Variants in SRD5A3 observed in about 807,000 individuals in gnomAD.
SRD5A3 encodes steroid 5 alpha-reductase 3, also known as polyprenal reductase.
Under a neutral mutation model 34.3 loss-of-function variants are expected in SRD5A3, and 24 were observed. That is an observed-to-expected ratio of 0.70 (90% CI 0.51 to 0.99). SRD5A3 has a LOEUF of 0.99. SRD5A3 is among the 50% of genes least tolerant of loss of function. The pLI, the probability that SRD5A3 is intolerant of heterozygous loss-of-function variation, is 0.00. For synonymous variants in SRD5A3, 161 were observed against 167.3 expected, an observed-to-expected ratio of 0.96 and a Z score of 0.29; for missense variants, 350 against 388.2, an observed-to-expected ratio of 0.90 and a Z score of 0.83.
At chr4:55,355,351 G>C (rs1037262626) in intron 1 of SRD5A3, among the ~76,000 whole-genome samples, 26 of 151,972 alleles carry the variant, frequency 1.7e-4, no homozygotes, top group Non-Finnish European at 3.1e-4. Flanking sequence ...CCAGCTACTC[G>C]GGGGGCTGAG....
chr4:55,352,086 G>A, intron 1 of SRD5A3: 1 of 776,752 alleles, frequency 1.3e-6, no homozygotes, highest in Non-Finnish European at 2.4e-6. Context: ...TCAATTTCAG[G>A]CATTACACAA....
rs1456982285 is a variant in SRD5A3 at position 55,372,896 on chromosome 4, G to A, written c.*2805G>A. 2 of 149,546 alleles carry A rather than the reference G, an allele frequency of 1.3e-5. No individual in the cohort carries two copies. The highest frequency in any genetic ancestry group is 2.5e-5 in the African/African-American group (1 of 40,474). 9.3% of individuals were successfully genotyped at this position (149,546 alleles called of 1,614,324 possible). A position where few individuals can be genotyped will look rare whatever the true frequency, so the allele number is the denominator to read the frequency against. Reference sequence around the variant, plus strand: ...CTCTACAAAGCTGTGCCCTGTATTCGATTTTTACTTCAATGAGTGGTTATT... The same window carrying A: ...CTCTACAAAGCTGTGCCCTGTATTCAATTTTTACTTCAATGAGTGGTTATT... On this transcript the variant is annotated 3_prime_UTR_variant, in exon 5 of 5. Transcript: ENST00000264228.
chr4:55,362,647 G>GAGATA (rs76350399), intron 2 of SRD5A3, among the ~76,000 whole-genome samples: 41,249 of 150,026 alleles, frequency 0.27, 6,280 homozygotes, highest in Middle Eastern at 0.41. Context: ...TTTTAGAGAT[G>GAGATA]GGGTACCTGC....
chr4:55,367,325 G>A (rs1016055895), intron 3 of SRD5A3, among the ~76,000 whole-genome samples: 2 of 152,182 alleles, frequency 1.3e-5, no homozygotes, highest in African/African-American at 4.8e-5. Context: ...CTCTTGCCAG[G>A]GGAACTGAAG....
Position 55,346,359 on chromosome 4 carries a change from A to C in SRD5A3, c.23A>C (p.Glu8Ala). The C allele has an allele frequency of 6.5e-7, 1 of 1,530,578 alleles. No individual in the cohort carries two copies. Among genetic ancestry groups the C allele is most frequent in the East Asian group, 2.7e-5 (1 of 36,990 alleles). 94.8% of individuals were successfully genotyped at this position (1,530,578 alleles called of 1,614,324 possible). The change falls in exon 1 of 5, where the codon GAG (glutamate) becomes GCG (alanine). Residue 8 changes from glutamate (E) to alanine (A), a missense_variant. Physicochemically the swap from Glu to Ala is moderately radical, Grantham distance 107. Transcript: ENST00000264228. ...GCCATGGCTCCCTGGGCGGAGGCCG[A>C]GCACTCGGCGCTGAACCCGCTGCGC... MAPWAEA[E>A]HSALNPLRAV...
intron 1 of SRD5A3, among the ~76,000 whole-genome samples, chr4:55,357,960 T>A (rs1276265966): frequency 6.6e-6 from 1 of 152,174 alleles, no homozygotes; most frequent in African/African-American, 2.4e-5. Context: ...AGACTGAGTT[T>A]GTAGGCATGA....
intron 2 of SRD5A3, among the ~76,000 whole-genome samples, chr4:55,360,477 C>T (rs1424372324): frequency 6.8e-6 from 1 of 147,628 alleles, no homozygotes; most frequent in Non-Finnish European, 1.5e-5. Flanking sequence ...CTGCACTCCA[C>T]GCCTGGGCAA....
At chr4:55,365,135 C>T (rs979330866) in intron 3 of SRD5A3, among the ~76,000 whole-genome samples, 1 of 151,920 alleles carries the variant, frequency 6.6e-6, no homozygotes, top group African/African-American at 2.4e-5. Context: ...GCCTTAGTAT[C>T]TGTCAGTCTA....
At position 55,364,144 on chromosome 4, in the gene SRD5A3, C is replaced by T. The variant is rs778699044; in HGVS notation, c.435C>T (p.Phe145=). The change falls in exon 3 of 5, where the codon TTC becomes TTT. Residue 145 remains phenylalanine, a synonymous_variant. Transcript: ENST00000264228. ...FLWLHSLRRL[F]ECLYVSVFSN... is the part of the protein sequence containing the mutation. Reference sequence around the variant, plus strand: ...GGCTGCACAGCTTACGAAGACTCTTCGAGTGCCTCTACGTCAGTGTCTTCT... The same window carrying T: ...GGCTGCACAGCTTACGAAGACTCTTTGAGTGCCTCTACGTCAGTGTCTTCT... 8.7e-6 allele frequency: 14 copies of T among 1,614,074 alleles called. No homozygotes were observed. The highest frequency in any genetic ancestry group is 2.2e-5 in the East Asian group (1 of 44,894).
chr4:55,348,846 G>T (rs1375099599), intron 1 of SRD5A3, among the ~76,000 whole-genome samples: 2 of 152,156 alleles, frequency 1.3e-5, no homozygotes, highest in Non-Finnish European at 2.9e-5. Flanking sequence ...TTATCCTCTG[G>T]TATACTTCGT....
rs1205491735 is a variant in SRD5A3, at chr4:55,346,350, C to T, written c.14C>T (p.Ala5Val). Residue 5 changes from alanine to valine, a missense_variant, in exon 1 of 5, where the codon GCG (alanine) becomes GTG (valine). Coordinates refer to ENST00000264228, the MANE Select transcript of SRD5A3 (RefSeq NM_024592.5). Reference protein sequence around the residue: MAPWAEAEHSALNPL... With the variant: MAPWVEAEHSALNPL... ...GGCACGCGGGCCATGGCTCCCTGGG[C>T]GGAGGCCGAGCACTCGGCGCTGAAC... 6.6e-7 allele frequency: 1 copy of T among 1,513,702 alleles called. No individual in the cohort carries two copies. The highest frequency in any genetic ancestry group is 8.8e-7 in the Non-Finnish European group (1 of 1,132,656). The allele number at this position is 1,513,702 out of a possible 1,614,324, so 93.8% of individuals were successfully genotyped here.
At chr4:55,358,201 A>C (rs1355313941) in intron 1 of SRD5A3, among the ~76,000 whole-genome samples, 4 of 152,120 alleles carry the variant, frequency 2.6e-5, no homozygotes, top group Admixed American at 6.6e-5. Context: ...CTGAATAGAA[A>C]AAAATAGAAA....
intron 1 of SRD5A3, among the ~76,000 whole-genome samples, chr4:55,348,554 T>C (rs1719079307): frequency 6.6e-6 from 1 of 152,212 alleles, no homozygotes; most frequent in Non-Finnish European, 1.5e-5. Flanking sequence ...TTTAAAAAAA[T>C]GTGCTAATGG....
rs1171703876 is a variant in SRD5A3 at position 55,361,665 on chromosome 4, G to A, written c.364+2177G>A. 3.3e-5 allele frequency among the ~76,000 whole-genome samples: 5 copies of A among 152,006 alleles called. No individual in the cohort carries two copies. In the South Asian group the frequency reaches 6.2e-4, roughly 19 times the overall value. On this transcript the variant is annotated intron_variant, in intron 2 of 4. Coordinates refer to ENST00000264228, the MANE Select transcript of SRD5A3 (RefSeq NM_024592.5). ...TAAAAATACAAAAAATTAGCGGGACGTGGTGGCGCGTGCCTGTAATCCCAC... is the reference window on the plus strand; with the variant it reads ...TAAAAATACAAAAAATTAGCGGGACATGGTGGCGCGTGCCTGTAATCCCAC...
chr4:55,366,780 G>A (rs916372020), intron 3 of SRD5A3: 2 of 152,250 alleles, frequency 1.3e-5, no homozygotes, highest in East Asian at 1.9e-4. Flanking sequence ...TCAAGCCTCC[G>A]ACTAGGCTAA....
chr4:55,364,309 A>G (rs543103574), intron 3 of SRD5A3, 38 bp downstream of exon 3: 1 of 1,607,368 alleles, frequency 6.2e-7, no homozygotes, highest in African/African-American at 1.3e-5. Flanking sequence ...TCCCCACCCC[A>G]GGGTGTATGA....
intron 3 of SRD5A3, chr4:55,364,579 G>A (rs1194265113): frequency 5.5e-6 from 2 of 363,132 alleles, no homozygotes; most frequent in Non-Finnish European, 5.3e-6. Context: ...AGCCAGGCGT[G>A]GTGGCACACG....
Position 55,346,282 on chromosome 4 carries a change from C to T in SRD5A3, c.-55C>T. On this transcript the variant is annotated 5_prime_UTR_variant, in exon 1 of 5. Coordinates refer to ENST00000264228, the MANE Select transcript of SRD5A3 (RefSeq NM_024592.5). ...CGCCGCGCGCTAGTGGCCGCTCTTC[C>T]GCGGGCTAGCGGGCGGTGGGGGCGC... The T allele has an allele frequency of 7.4e-7, 1 of 1,346,968 alleles. No individual in the cohort carries two copies. The highest frequency in any genetic ancestry group is 9.5e-7 in the Non-Finnish European group (1 of 1,052,896). 83.4% of individuals were successfully genotyped at this position (1,346,968 alleles called of 1,614,324 possible).
At chr4:55,367,251 G>A in intron 3 of SRD5A3, 3 of 379,808 alleles carry the variant, frequency 7.9e-6, no homozygotes, top group Non-Finnish European at 4.9e-6. Flanking sequence ...ATCACAGTAG[G>A]GGAGCTGAAC....
Sources: allele counts gnomAD v4.1 joint callset (sites outside exome capture counted in the v4.1 genomes callset), GRCh38; gene constraint gnomAD v4.1.1; transcripts MANE v1.5; gene names NCBI Gene and HGNC (gene_info 2026-07-23, HGNC 2026-07-21).